Variants in IL1RAPL1 observed in about 807,000 individuals in gnomAD.
IL1RAPL1 encodes interleukin 1 receptor accessory protein like 1.
A neutral mutation model predicts 48.4 loss-of-function variants in IL1RAPL1; 3 were observed. The ratio of observed to expected loss-of-function variants is 0.06; its 90% confidence interval spans 0.03 to 0.16. IL1RAPL1 has a LOEUF of 0.16. Ranked by LOEUF, IL1RAPL1 falls within the 10% of genes least tolerant of loss-of-function variation. The pLI is 1.00. For synonymous variants in IL1RAPL1, 185 were observed against 187.7 expected (o/e 0.99, Z 0.12); for missense variants, 349 against 530.6 (o/e 0.66, Z 3.36).
At chrX:29,341,583 A>C (rs772907768) in intron 3 of IL1RAPL1, among the ~76,000 whole-genome samples, 2 of 111,458 alleles carry the variant, frequency 1.8e-5, no homozygotes, top group East Asian at 2.8e-4. Context: ...GAGGATTTTT[A>C]AAAATAATAG....
At chrX:29,359,052 C>T (rs1350331560) in intron 3 of IL1RAPL1, among the ~76,000 whole-genome samples, 1 of 110,739 alleles carries the variant, frequency 9.0e-6, no homozygotes, top group Non-Finnish European at 1.9e-5. Context: ...TAATATACAT[C>T]GAAGACCTTC....
chrX:29,286,031 A>G (rs1032957888), intron 3 of IL1RAPL1, among the ~76,000 whole-genome samples: 4 of 112,142 alleles, frequency 3.6e-5, no homozygotes, highest in African/African-American at 1.3e-4. Flanking sequence ...AGTCTTTCTG[A>G]TAAATATTCT....
intron 3 of IL1RAPL1, among the ~76,000 whole-genome samples, chrX:29,288,686 T>C (rs1932325060): frequency 1.8e-5 from 2 of 112,489 alleles, no homozygotes; most frequent in African/African-American, 6.5e-5. Context: ...AGTAATGGGA[T>C]TGCTGCATCA....
rs1348910304 is a variant in IL1RAPL1, at chrX:29,909,742, A to AGCAC, written c.779-7722_779-7721insGCAC. Among the ~76,000 whole-genome samples the AGCAC allele has an allele frequency of 9.3e-3, 1,039 of 111,838 alleles. 8 individuals carry two copies. Among genetic ancestry groups the AGCAC allele is most frequent in the African/African-American group, 0.032 (978 of 30,794 alleles). ...CAAAACAGTTTAAAGTTTCAGTGCT[A>AGCAC]TGATTAAAAAGTCAAAACATAACAG... On this transcript the variant is annotated intron_variant, in intron 6 of 10. Transcript: ENST00000378993.
chrX:29,921,100 A>G (rs920662185), intron 8 of IL1RAPL1, among the ~76,000 whole-genome samples: 1 of 112,318 alleles, frequency 8.9e-6, no homozygotes, highest in African/African-American at 3.2e-5. Context: ...CCTTTTGCAT[A>G]GGGTTAAGTG....
intron 5 of IL1RAPL1, among the ~76,000 whole-genome samples, chrX:29,587,230 A>G (rs1320036291): frequency 9.0e-6 from 1 of 111,147 alleles, no homozygotes; most frequent in Admixed American, 9.7e-5. Flanking sequence ...CAGAATAAAA[A>G]GAATGTGGGA....
chrX:29,172,951 G>T (rs1213657442), intron 2 of IL1RAPL1, among the ~76,000 whole-genome samples: 1 of 111,614 alleles, frequency 9.0e-6, no homozygotes, highest in Non-Finnish European at 1.9e-5. Context: ...GGAGACTGTT[G>T]TCTTTTCATG....
intron 2 of IL1RAPL1, among the ~76,000 whole-genome samples, chrX:29,271,755 C>A (rs1932045317): frequency 8.9e-6 from 1 of 111,869 alleles, no homozygotes; most frequent in African/African-American, 3.2e-5. Flanking sequence ...TATATAGATT[C>A]TGGATATTAC....
intron 6 of IL1RAPL1, among the ~76,000 whole-genome samples, chrX:29,670,095 A>G (rs1569142434): frequency 9.0e-6 from 1 of 111,502 alleles, no homozygotes; most frequent in Non-Finnish European, 1.9e-5. Context: ...AATATAATGA[A>G]AAGAATTTTA....
chrX:29,733,751 G>T (rs1927978822), intron 6 of IL1RAPL1, among the ~76,000 whole-genome samples: 1 of 112,210 alleles, frequency 8.9e-6, no homozygotes, highest in South Asian at 3.7e-4. Context: ...CTCAAAGTTA[G>T]TATCATCTTT....
At chrX:29,036,337 C>T (rs910086078) in intron 2 of IL1RAPL1, among the ~76,000 whole-genome samples, 1 of 112,021 alleles carries the variant, frequency 8.9e-6, no homozygotes, top group Admixed American at 9.5e-5. Context: ...AGGGCAAAAA[C>T]GCGGATTTTC....
At chrX:29,902,761 TATA>T (rs1324315601) in intron 6 of IL1RAPL1, among the ~76,000 whole-genome samples, 1 of 111,764 alleles carries the variant, frequency 8.9e-6, no homozygotes, top group African/African-American at 3.3e-5. Flanking sequence ...TAAATTCTCT[TATA>T]ATCTATTGAT....
At chrX:28,904,042 A>G in intron 2 of IL1RAPL1, among the ~76,000 whole-genome samples, 1 of 110,692 alleles carries the variant, frequency 9.0e-6, no homozygotes. Context: ...TTTTTAACAC[A>G]AACTTCTACT....
At chrX:29,643,546 A>T (rs1472221085) in intron 5 of IL1RAPL1, among the ~76,000 whole-genome samples, 1 of 112,374 alleles carries the variant, frequency 8.9e-6, no homozygotes, top group Non-Finnish European at 1.9e-5. Flanking sequence ...AGCAAGTTAG[A>T]TAACATATTG....
At chrX:28,597,163 C>T (rs925285432) in intron 1 of IL1RAPL1, among the ~76,000 whole-genome samples, 4 of 111,097 alleles carry the variant, frequency 3.6e-5, no homozygotes, top group Non-Finnish European at 7.5e-5. Context: ...AAGGCTGGAG[C>T]CCTGAGCCTT....
intron 1 of IL1RAPL1, among the ~76,000 whole-genome samples, chrX:28,689,020 T>C (rs950368450): frequency 9.0e-6 from 1 of 111,509 alleles, no homozygotes; most frequent in African/African-American, 3.3e-5. Context: ...TTATATATGT[T>C]AGGGAAGAAA....
At chrX:29,499,914 G>A (rs1018557012) in intron 5 of IL1RAPL1, among the ~76,000 whole-genome samples, 5 of 111,606 alleles carry the variant, frequency 4.5e-5, no homozygotes, top group African/African-American at 1.6e-4. Flanking sequence ...TTGAGATACA[G>A]TCACCTTAAA....
chrX:29,542,739 C>A (rs1222852193), intron 5 of IL1RAPL1, among the ~76,000 whole-genome samples: 1 of 111,997 alleles, frequency 8.9e-6, no homozygotes, highest in African/African-American at 3.2e-5. Flanking sequence ...ATATTTGATG[C>A]CTGTTTAATA....
At chrX:28,849,791 AAC>A (rs1182653236) in intron 2 of IL1RAPL1, among the ~76,000 whole-genome samples, 35 of 112,067 alleles carry the variant, frequency 3.1e-4, no homozygotes, top group African/African-American at 8.7e-4. Flanking sequence ...CATAGTGAGT[AAC>A]ACATCTTATA....
Sources: allele counts gnomAD v4.1 joint callset (sites outside exome capture counted in the v4.1 genomes callset), GRCh38; gene constraint gnomAD v4.1.1; transcripts MANE v1.5; gene names NCBI Gene and HGNC (gene_info 2026-07-23, HGNC 2026-07-21).